The following MYO7A variants were observed in gnomAD, a reference collection of about 807,000 sequenced individuals.
MYO7A encodes the protein myosin VIIA.
In MYO7A, 210 loss-of-function variants were observed where a neutral mutation model predicts 263.8. The ratio of observed to expected loss-of-function variants is 0.80; its 90% CI spans 0.71 to 0.89. The LOEUF (loss-of-function observed/expected upper bound fraction) is 0.89. Among genes scored for constraint, MYO7A ranks in the 40% least tolerant of loss-of-function variants. The pLI is 0.00. For synonymous variants in MYO7A, 1,239 were observed against 1,197.3 expected (o/e 1.03, Z -0.72); for missense variants, 2,820 against 2,968.3 (o/e 0.95, Z 1.16).
chr11:77,162,303 C>T lies in MYO7A; in HGVS notation c.1527C>T (p.Leu509=). ...IANKPMNIIS[L]IDEESKFPKG... Reference sequence around the variant, plus strand: ...ACAAGCCCATGAACATCATCTCCCTCATCGATGAGGAGAGCAAGTTCCCCA... The same window carrying T: ...ACAAGCCCATGAACATCATCTCCCTTATCGATGAGGAGAGCAAGTTCCCCA... The change falls in exon 13 of 49, where the codon CTC becomes CTT. Residue 509 remains leucine (L), a synonymous_variant. Transcript: ENST00000409709. The T allele has an allele frequency of 1.9e-6, 3 of 1,552,036 alleles. No individual in the cohort carries two copies. Among genetic ancestry groups the T allele is most frequent in the Non-Finnish European group, 2.6e-6 (3 of 1,147,194 alleles).
intron 34 of MYO7A, 127 bp from the exon 35 acceptor site, chr11:77,199,408 G>A: frequency 1.0e-6 from 1 of 994,194 alleles, no homozygotes; most frequent in Middle Eastern, 3.3e-4. Flanking sequence ...GCCACTGTGG[G>A]TCTCCCTCTG....
chr11:77,152,437 C>T lies in MYO7A; in HGVS notation c.286-3470C>T, dbSNP rs548318876. On this transcript the variant is annotated intron_variant, in intron 4 of 48. Coordinates refer to ENST00000409709, the MANE Select transcript of MYO7A (RefSeq NM_000260.4). ...CTTGAGGCCCTGCCACAGGGGACAA[C>T]AGCCTGGCCCTTCTGCCACCAGAGC... Among the ~76,000 whole-genome samples, 16 of 152,362 alleles carry T rather than the reference C, an allele frequency of 1.1e-4. 1 individual carries two copies. In the East Asian group the frequency reaches 3.1e-3, roughly 29 times the overall value.
chr11:77,182,463 G>T lies in MYO7A; in HGVS notation c.3148G>T (p.Gly1050Trp). 6.2e-7 allele frequency: 1 copy of T among 1,609,546 alleles called. No homozygotes were observed. The highest frequency in any genetic ancestry group is 8.5e-7 in the Non-Finnish European group (1 of 1,179,800). Reference protein sequence around the residue: ...AVWITILRFMGDLPEPKYHTA... With the variant: ...AVWITILRFMWDLPEPKYHTA... ...CTGGATCACCATCCTCCGCTTCATGGGGGACCTCCCTGAGCCCAAGTACCA... is the reference window on the plus strand; with the variant it reads ...CTGGATCACCATCCTCCGCTTCATGTGGGACCTCCCTGAGCCCAAGTACCA... The change falls in exon 25 of 49, where the codon GGG becomes TGG. Residue 1050 changes from glycine (G) to tryptophan (W), a missense_variant. Physicochemically the swap from Gly to Trp is radical, Grantham distance 184. Coordinates refer to ENST00000409709, the MANE Select transcript of MYO7A (RefSeq NM_000260.4).
chr11:77,162,035 A>T, intron 12 of MYO7A, 85 bp from the exon 13 acceptor site: 1 of 1,259,700 alleles, frequency 7.9e-7, no homozygotes, highest in Non-Finnish European at 1.1e-6. Flanking sequence ...GCTAATGGCC[A>T]TGCTGCAGGT....
chr11:77,144,367 G>T (rs1012826129), intron 3 of MYO7A, among the ~76,000 whole-genome samples: 1 of 152,148 alleles, frequency 6.6e-6, no homozygotes, highest in Admixed American at 6.5e-5. Flanking sequence ...GACTCTGTCT[G>T]CAGGCTTGAG....
chr11:77,197,939 A>G (rs1956786078), intron 33 of MYO7A, among the ~76,000 whole-genome samples: 1 of 109,148 alleles, frequency 9.2e-6, no homozygotes, highest in Non-Finnish European at 2.1e-5. Flanking sequence ...TTCTGTGCTC[A>G]GTGGTGCACG....
rs782525477 is a variant in MYO7A, at chr11:77,175,472, C to T, written c.2187+8C>T. On this transcript the variant is annotated splice_region_variant and intron_variant, in intron 18 of 48. Transcript: ENST00000409709. ...ACCAAGATCTTTCTGAAGGTGAGCA[C>T]AGATGCCTTCCCTGGGCTGCCCTGG... 6.2e-7 allele frequency: 1 copy of T among 1,612,490 alleles called. No individual in the cohort carries two copies. Among genetic ancestry groups the T allele is most frequent in the African/African-American group, 1.3e-5 (1 of 74,920 alleles).
intron 44 of MYO7A, among the ~76,000 whole-genome samples, chr11:77,209,768 A>G (rs576692167): frequency 6.6e-6 from 1 of 152,116 alleles, no homozygotes; most frequent in African/African-American, 2.4e-5. Flanking sequence ...TGTTCTCCTC[A>G]TCCATTTTGG....
chr11:77,182,454 C>A lies in MYO7A; in HGVS notation c.3139C>A (p.Arg1047Ser), dbSNP rs782095541. The A allele has an allele frequency of 6.2e-7, 1 of 1,608,974 alleles. No individual in the cohort carries two copies. The highest frequency in any genetic ancestry group is 8.5e-7 in the Non-Finnish European group (1 of 1,179,734). ...AALAVWITIL[R>S]FMGDLPEPKY... Reference sequence around the variant, plus strand: ...CCTGGCGGTCTGGATCACCATCCTCCGCTTCATGGGGGACCTCCCTGAGCC... The same window carrying A: ...CCTGGCGGTCTGGATCACCATCCTCAGCTTCATGGGGGACCTCCCTGAGCC... Residue 1047 changes from arginine (R) to serine (S), a missense_variant, in exon 25 of 49, where the codon CGC (arginine) becomes AGC (serine). Transcript: ENST00000409709.
rs781885337 is a variant in MYO7A at position 77,184,561 on chromosome 11, C to G, written c.3376-27C>G. 4 of 1,548,624 alleles carry G rather than the reference C, an allele frequency of 2.6e-6. No homozygotes were observed. In the South Asian group the frequency reaches 4.8e-5, roughly 18 times the overall value. On this transcript the variant is annotated intron_variant, in intron 26 of 48. Transcript: ENST00000409709. ...GGCAGGGGAACACCCCTAACTTTACCTGCCCTGTCCTCTCCCTCTGGCCCA... is the reference window on the plus strand; with the variant it reads ...GGCAGGGGAACACCCCTAACTTTACGTGCCCTGTCCTCTCCCTCTGGCCCA...
At chr11:77,155,760 C>A (rs1952399482) in intron 4 of MYO7A, 147 bp from the exon 5 acceptor site, 2 of 831,542 alleles carry the variant, frequency 2.4e-6, no homozygotes, top group Non-Finnish European at 3.6e-6. Context: ...CTAAGGAGGC[C>A]CGATTCTGGC....
chr11:77,175,609 A>G (rs980476052), intron 18 of MYO7A, 145 bp downstream of exon 18: 1 of 784,958 alleles, frequency 1.3e-6, no homozygotes, highest in South Asian at 1.5e-5. Flanking sequence ...AGCAGGTGGG[A>G]TCTGGCCTCT....
At chr11:77,206,856 C>G (rs1216069609) in intron 41 of MYO7A, 1 of 163,990 alleles carries the variant, frequency 6.1e-6, no homozygotes, top group Non-Finnish European at 1.3e-5. Flanking sequence ...CAAATCCTTT[C>G]CTGTCCCTCC....
At chr11:77,174,030 C>T (rs1354903183) in intron 16 of MYO7A, among the ~76,000 whole-genome samples, 9 of 152,114 alleles carry the variant, frequency 5.9e-5, no homozygotes, top group African/African-American at 2.2e-4. Context: ...TCCTGTCCTG[C>T]CTCCCCTGGC....
chr11:77,183,044 C>A, intron 25 of MYO7A, 24 bp from the exon 26 acceptor site: 1 of 1,547,182 alleles, frequency 6.5e-7, no homozygotes, highest in Non-Finnish European at 8.7e-7. Flanking sequence ...AGCCACTTGA[C>A]CCTGATCCCT....
chr11:77,190,603 C>T (rs7947922), intron 29 of MYO7A, 94 bp from the exon 30 acceptor site: 1 of 1,402,238 alleles, frequency 7.1e-7, no homozygotes, highest in East Asian at 2.5e-5. Flanking sequence ...TGCTGGGGCA[C>T]CTCCAACCCC....
chr11:77,207,282 C>G lies in MYO7A; in HGVS notation c.5743-7C>G. On this transcript the variant is annotated splice_polypyrimidine_tract_variant and splice_region_variant and intron_variant, in intron 41 of 48. Transcript: ENST00000409709. ...TGCAGGAGCCCAGTGCTCACTGCCC[C>G]TCCCAGGCCTTCGAAGTGGAGTCCA... 1 of 1,603,182 alleles carries G rather than the reference C, an allele frequency of 6.2e-7. No homozygotes were observed. The highest frequency in any genetic ancestry group is 8.5e-7 in the Non-Finnish European group (1 of 1,174,220).
intron 4 of MYO7A, among the ~76,000 whole-genome samples, chr11:77,153,727 G>T (rs1442137779): frequency 6.6e-6 from 1 of 152,126 alleles, no homozygotes; most frequent in East Asian, 1.9e-4. Context: ...TTCACCAGCA[G>T]ACCTCCTAAA....
chr11:77,180,826 A>C (rs1565408206), intron 22 of MYO7A, among the ~76,000 whole-genome samples: 1 of 152,194 alleles, frequency 6.6e-6, no homozygotes, highest in Non-Finnish European at 1.5e-5. Context: ...GCAACTGAAC[A>C]CTTGCAGTGT....
Sources: allele counts gnomAD v4.1 joint callset (sites outside exome capture counted in the v4.1 genomes callset), GRCh38; gene constraint gnomAD v4.1.1; transcripts MANE v1.5; gene names NCBI Gene and HGNC (gene_info 2026-07-23, HGNC 2026-07-21).